The following RAPGEF1 variants were observed in gnomAD, a reference collection of about 807,000 sequenced individuals.
The protein encoded by RAPGEF1 is CRK SH3-binding GNRP.
Under a neutral mutation model 143.3 loss-of-function variants are expected in RAPGEF1, and 33 were observed. The observed-to-expected ratio is 0.23, with a 90% CI of 0.17 to 0.31. The LOEUF (loss-of-function observed/expected upper bound fraction) is 0.31. Ranked by LOEUF, RAPGEF1 falls within the 10% of genes least tolerant of loss-of-function variation. The probability of loss-of-function intolerance (pLI) is 1.00; values close to 1 mark genes in which losing one functional copy is unlikely to be tolerated. For synonymous variants in RAPGEF1, 629 were observed against 676.5 expected (o/e 0.93, Z 1.09); for missense variants, 1,199 against 1,645.4 (o/e 0.73, Z 4.69).
At chr9:131,719,701 C>T (rs1437576849) in intron 1 of RAPGEF1, among the ~76,000 whole-genome samples, 3 of 151,556 alleles carry the variant, frequency 2.0e-5, no homozygotes, top group Admixed American at 6.6e-5. Context: ...TAGATCCTCA[C>T]GATAAGAGAA....
chr9:131,609,699 T>C (rs907453811), intron 12 of RAPGEF1, among the ~76,000 whole-genome samples: 17 of 152,180 alleles, frequency 1.1e-4, no homozygotes. Context: ...GATGACCTCA[T>C]ATGCGAGCGT....
intron 1 of RAPGEF1, among the ~76,000 whole-genome samples, chr9:131,724,508 T>C (rs997384290): frequency 3.0e-4 from 45 of 151,864 alleles, no homozygotes; most frequent in African/African-American, 1.1e-3. Context: ...GGCAGAAGAA[T>C]GGCGTGAACC....
At chr9:131,613,004 G>A (rs1038938543) in intron 12 of RAPGEF1, among the ~76,000 whole-genome samples, 3 of 152,196 alleles carry the variant, frequency 2.0e-5, no homozygotes, top group Admixed American at 2.0e-4. Flanking sequence ...CTCTCCTCAG[G>A]GGACATGCAA....
In RAPGEF1 at chr9:131,628,818, C is replaced by T. The variant is rs1395322383; in HGVS notation, c.894-146G>A. ...ACTTCAACTCCTGCCTACTCCCCTC[C>T]GCCAAAATAAAACCTGTAAATACCA... On this transcript the variant is annotated intron_variant, in intron 7 of 26. Transcript: ENST00000683357. The surrounding 1 kb of genome is among the most constrained non-coding windows in gnomAD (Gnocchi z 5.7). 1.4e-5 allele frequency: 16 copies of T among 1,147,336 alleles called. No individual in the cohort carries two copies. The highest frequency in any genetic ancestry group is 3.2e-5 in the South Asian group (2 of 62,120). The allele number at this position is 1,147,336 out of a possible 1,614,324, so 71.1% of individuals were successfully genotyped here.
At chr9:131,676,007 T>A (rs760681457) in intron 1 of RAPGEF1, among the ~76,000 whole-genome samples, 1 of 151,936 alleles carries the variant, frequency 6.6e-6, no homozygotes, top group Non-Finnish European at 1.5e-5. Context: ...GCTCAAGTGA[T>A]CCTTCCACCT....
At chr9:131,658,675 CGGA>C (rs763282157) in intron 1 of RAPGEF1, among the ~76,000 whole-genome samples, 1 of 152,076 alleles carries the variant, frequency 6.6e-6, no homozygotes, top group Non-Finnish European at 1.5e-5. Context: ...GAGGATGGGC[CGGA>C]GGAGAGGATG....
chr9:131,588,144 G>C, intron 20 of RAPGEF1, 118 bp from the exon 21 acceptor site: 1 of 881,974 alleles, frequency 1.1e-6, no homozygotes, highest in Non-Finnish European at 1.8e-6. Context: ...CAGGAGCGTG[G>C]AGGCTACAGG....
At chr9:131,661,312 G>A (rs954712357) in intron 1 of RAPGEF1, among the ~76,000 whole-genome samples, 6 of 152,230 alleles carry the variant, frequency 3.9e-5, no homozygotes, top group Admixed American at 1.3e-4. Context: ...CACGAGTGTA[G>A]AGAGAAGCCA....
intron 12 of RAPGEF1, among the ~76,000 whole-genome samples, chr9:131,610,211 A>G (rs1426820339): frequency 6.6e-6 from 1 of 152,198 alleles, no homozygotes; most frequent in Admixed American, 6.5e-5. Context: ...GCAGATCTTT[A>G]AAGGAACAAT....
intron 1 of RAPGEF1, among the ~76,000 whole-genome samples, chr9:131,733,747 C>T (rs548104176): frequency 2.0e-5 from 3 of 152,262 alleles, no homozygotes; most frequent in Admixed American, 1.3e-4. Context: ...CTTATCCTGG[C>T]CATGGGGAAC....
intron 1 of RAPGEF1, among the ~76,000 whole-genome samples, chr9:131,674,745 G>A (rs1231139545): frequency 1.3e-5 from 2 of 152,178 alleles, no homozygotes; most frequent in Non-Finnish European, 2.9e-5. Flanking sequence ...TCCCTAGAAG[G>A]AAAGTCCAAT....
At chr9:131,673,622 G>A (rs1358558155) in intron 1 of RAPGEF1, among the ~76,000 whole-genome samples, 2 of 152,208 alleles carry the variant, frequency 1.3e-5, no homozygotes, top group Non-Finnish European at 2.9e-5. Flanking sequence ...CCAAAGCACA[G>A]GTCCTCTGCA....
intron 3 of RAPGEF1, among the ~76,000 whole-genome samples, chr9:131,647,322 A>G (rs1367991020): frequency 6.6e-6 from 1 of 152,194 alleles, no homozygotes; most frequent in Admixed American, 6.5e-5. Context: ...GCACAGTGGG[A>G]ATAATAAAAG....
intron 10 of RAPGEF1, among the ~76,000 whole-genome samples, chr9:131,624,025 A>G (rs1962140273): frequency 6.6e-6 from 1 of 152,144 alleles, no homozygotes. Flanking sequence ...CAGGGTACGG[A>G]GAAGACCAAC....
chr9:131,609,708 G>T (rs377243800), intron 12 of RAPGEF1, among the ~76,000 whole-genome samples: 1 of 152,308 alleles, frequency 6.6e-6, no homozygotes, highest in African/African-American at 2.4e-5. Context: ...ATATGCGAGC[G>T]TGTGGCCAAT....
chr9:131,717,503 C>T (rs543308523), intron 1 of RAPGEF1, among the ~76,000 whole-genome samples: 1 of 152,246 alleles, frequency 6.6e-6, no homozygotes, highest in African/African-American at 2.4e-5. Flanking sequence ...AGGCCAGGCG[C>T]GGTGGCTCAC....
Position 131,671,843 on chromosome 9 carries a change from G to A in RAPGEF1, c.62-20894C>T, listed in dbSNP as rs1266963649. Among the ~76,000 whole-genome samples the A allele has an allele frequency of 2.0e-5, 3 of 152,174 alleles. 1 individual carries two copies. Among genetic ancestry groups the A allele is most frequent in the South Asian group, 4.1e-4 (2 of 4,828 alleles). ...GATTACTCCCAATGTTGATGTTTAC[G>A]ATGCACAACCAACCCATTTAGCACT... On this transcript the variant is annotated intron_variant, in intron 1 of 26. Coordinates refer to ENST00000683357, the MANE Select transcript of RAPGEF1 (RefSeq NM_001377935.1).
intron 19 of RAPGEF1, among the ~76,000 whole-genome samples, chr9:131,589,252 G>A (rs377711098): frequency 6.6e-6 from 1 of 152,208 alleles, no homozygotes; most frequent in Non-Finnish European, 1.5e-5. Flanking sequence ...TGGGGCCTGG[G>A]CTGCAGGGAC....
chr9:131,670,926 C>T lies in RAPGEF1; in HGVS notation c.62-19977G>A, dbSNP rs563806405. Among the ~76,000 whole-genome samples, 228 of 152,320 alleles carry T rather than the reference C, an allele frequency of 1.5e-3. 2 individuals carry two copies. The highest frequency in any genetic ancestry group is 5.3e-3 in the African/African-American group (222 of 41,564). ...GCAGTCTGTGATCAGTTACAAAACT[C>T]GCCATACTGATTAAAGAGGCTCCTC... On this transcript the variant is annotated intron_variant, in intron 1 of 26. Coordinates refer to ENST00000683357, the MANE Select transcript of RAPGEF1 (RefSeq NM_001377935.1).
Sources: allele counts gnomAD v4.1 joint callset (sites outside exome capture counted in the v4.1 genomes callset), GRCh38; gene constraint gnomAD v4.1.1; non-coding constraint Gnocchi (gnomAD v3.1); transcripts MANE v1.5; gene names NCBI Gene and HGNC (gene_info 2026-07-23, HGNC 2026-07-21).